CSMD1: variants seen among roughly 807,000 people sequenced by gnomAD.
The protein encoded by CSMD1 is CUB and Sushi multiple domains 1.
CSMD1 carries 213 observed loss-of-function variants against 417.5 expected under a neutral mutation model. The observed-to-expected ratio is 0.51, with a 90% CI of 0.46 to 0.57. The LOEUF is 0.57. CSMD1 is among the 20% of genes least tolerant of loss of function. The pLI is 0.00. For synonymous variants in CSMD1, 2,862 were observed against 1,736.8 expected (o/e 1.65, Z -16.11); for missense variants, 6,923 against 4,529.7 (o/e 1.53, Z -15.17).
chr8:3,882,506 C>G (rs571682299), intron 5 of CSMD1, among the ~76,000 whole-genome samples: 111 of 152,304 alleles, frequency 7.3e-4, no homozygotes, highest in Non-Finnish European at 1.3e-3. Context: ...CTCTCTCTGC[C>G]TCGGTTGAGC....
intron 5 of CSMD1, among the ~76,000 whole-genome samples, chr8:3,837,416 A>T (rs1357914272): frequency 2.0e-5 from 3 of 152,178 alleles, no homozygotes; most frequent in Admixed American, 6.6e-5. Flanking sequence ...ATCTCAAAGG[A>T]CTGCCTACGT....
intron 7 of CSMD1, among the ~76,000 whole-genome samples, chr8:3,696,087 A>C (rs1037152678): frequency 3.3e-5 from 5 of 152,170 alleles, no homozygotes; most frequent in Admixed American, 6.5e-5. Flanking sequence ...AGGGAATGAG[A>C]CATTTCCTAC....
At position 4,267,135 on chromosome 8, in the gene CSMD1, A is replaced by C. The variant is rs1432111505; in HGVS notation, c.415+152818T>G. ...CTTTCTAATGCAATTAGTTGGGAGA[A>C]TTAAATAAGTATAATTATTTGAAAC... On this transcript the variant is annotated intron_variant, in intron 3 of 69. Coordinates refer to ENST00000635120, the MANE Select transcript of CSMD1 (RefSeq NM_033225.6). 3.0e-4 allele frequency among the ~76,000 whole-genome samples: 31 copies of C among 103,706 alleles called. 7 individuals carry two copies. Among genetic ancestry groups the C allele is most frequent in the African/African-American group, 8.1e-4 (31 of 38,358 alleles). 68.0% of individuals were successfully genotyped at this position (103,706 alleles called of 152,430 possible).
At chr8:3,714,685 C>G (rs935544241) in intron 6 of CSMD1, among the ~76,000 whole-genome samples, 5 of 151,754 alleles carry the variant, frequency 3.3e-5, no homozygotes, top group South Asian at 4.1e-4. Flanking sequence ...TGCAGTGAGC[C>G]GAAACGGTGC....
At chr8:4,306,435 A>G (rs73660738) in intron 3 of CSMD1, among the ~76,000 whole-genome samples, 114,732 of 151,936 alleles carry the variant, frequency 0.76, 43,447 homozygotes, top group East Asian at 0.85. Context: ...TGAAAGTTCA[A>G]TTGATAAAAA....
intron 1 of CSMD1, among the ~76,000 whole-genome samples, chr8:4,973,178 T>G (rs1810343362): frequency 6.6e-6 from 1 of 152,072 alleles, no homozygotes; most frequent in South Asian, 2.1e-4. Flanking sequence ...GCAGAACACT[T>G]TATTACTTTT....
chr8:4,427,494 C>T (rs1014166050), intron 2 of CSMD1, among the ~76,000 whole-genome samples: 3 of 148,568 alleles, frequency 2.0e-5, no homozygotes, highest in Non-Finnish European at 4.5e-5. Context: ...CAAATACACA[C>T]ACACACACAC....
chr8:4,720,495 A>G lies in CSMD1; in HGVS notation c.86-82937T>C, dbSNP rs963820819. 8.5e-5 allele frequency among the ~76,000 whole-genome samples: 13 copies of G among 152,192 alleles called. No individual in the cohort carries two copies. The East Asian group carries it at 2.1e-3, about 25-fold the overall frequency. On this transcript the variant is annotated intron_variant, in intron 1 of 69. Transcript: ENST00000635120. The stretch of plus-strand genomic sequence containing the variant: ...TGCAGAGGCATGATCTCGGCGCACT[A>G]TAACCTCTGCCTCCTGGGTTCAAGC...
At chr8:3,316,540 G>GA (rs1554512576) in intron 23 of CSMD1, among the ~76,000 whole-genome samples, 3 of 151,660 alleles carry the variant, frequency 2.0e-5, no homozygotes, top group Non-Finnish European at 2.9e-5. Context: ...TTGCGGGAGA[G>GA]GGTTTGAGCA....
chr8:3,431,951 T>C (rs1389479263), intron 12 of CSMD1, among the ~76,000 whole-genome samples: 2 of 152,228 alleles, frequency 1.3e-5, no homozygotes, highest in Non-Finnish European at 2.9e-5. Flanking sequence ...TTCTTTCAAA[T>C]GTTAGTAGAT....
chr8:4,563,836 A>C (rs2617015), intron 2 of CSMD1, among the ~76,000 whole-genome samples: 99,446 of 152,056 alleles, frequency 0.65, 32,989 homozygotes, highest in East Asian at 0.71. Context: ...AAGTATAAGA[A>C]TATCTAGGAT....
At chr8:4,169,081 G>T (rs182557920) in intron 3 of CSMD1, among the ~76,000 whole-genome samples, 5 of 152,140 alleles carry the variant, frequency 3.3e-5, no homozygotes, top group Non-Finnish European at 7.3e-5. Flanking sequence ...CTACCTGTAA[G>T]CCTGCTGGCT....
intron 3 of CSMD1, among the ~76,000 whole-genome samples, chr8:4,231,006 C>T (rs1700050): frequency 0.025 from 3,809 of 152,240 alleles, 53 homozygotes; most frequent in Middle Eastern, 0.085. Flanking sequence ...TTTCATCACA[C>T]ACACATTCAC....
At chr8:3,855,919 C>T (rs565891793) in intron 5 of CSMD1, among the ~76,000 whole-genome samples, 9 of 152,202 alleles carry the variant, frequency 5.9e-5, no homozygotes, top group Admixed American at 2.0e-4. Context: ...CAAATCTGTA[C>T]GGGTGAGATA....
At chr8:3,892,467 C>T (rs962635806) in intron 5 of CSMD1, among the ~76,000 whole-genome samples, 1 of 151,964 alleles carries the variant, frequency 6.6e-6, no homozygotes, top group African/African-American at 2.4e-5. Context: ...CATTCAGGCC[C>T]CAACTAAGTT....
intron 12 of CSMD1, among the ~76,000 whole-genome samples, chr8:3,448,715 G>C (rs1585180147): frequency 6.6e-6 from 1 of 152,124 alleles, no homozygotes. Context: ...GAGTCCTCTA[G>C]GCTGAGCTCA....
intron 3 of CSMD1, among the ~76,000 whole-genome samples, chr8:4,185,777 G>A (rs940650231): frequency 1.3e-4 from 20 of 152,196 alleles, no homozygotes; most frequent in African/African-American, 4.8e-4. Context: ...CCCTACCAGT[G>A]GAAATGTGTA....
At chr8:4,002,793 T>C (rs899758373) in intron 4 of CSMD1, among the ~76,000 whole-genome samples, 2 of 152,154 alleles carry the variant, frequency 1.3e-5, no homozygotes, top group Non-Finnish European at 2.9e-5. Context: ...AATAGAAAGT[T>C]TTAAAATATC....
At chr8:3,218,076 G>A (rs932737882) in intron 29 of CSMD1, among the ~76,000 whole-genome samples, 4 of 152,124 alleles carry the variant, frequency 2.6e-5, no homozygotes. Flanking sequence ...AGTTGAAGGT[G>A]GTTTTTCAGG....
Sources: gnomAD v4.1 joint callset for allele counts (sites outside exome capture counted in the v4.1 genomes callset) on GRCh38, gnomAD v4.1.1 for gene constraint, MANE v1.5 for transcripts, NCBI Gene and HGNC (gene_info 2026-07-23, HGNC 2026-07-21) for gene names.